IQCH: variants seen among roughly 807,000 people sequenced by gnomAD.
The protein encoded by IQCH is IQ motif containing H.
A neutral mutation model predicts 117.0 loss-of-function variants in IQCH; 98 were observed. That is an observed-to-expected ratio of 0.84 (90% CI 0.71 to 0.99). The LOEUF (loss-of-function observed/expected upper bound fraction) is 0.99, where lower values mean the gene tolerates loss of function less well. Ranked by LOEUF, IQCH falls within the 50% of genes least tolerant of loss-of-function variation. The pLI, the probability that IQCH is intolerant of heterozygous loss-of-function variation, is 0.00. For missense variants in IQCH, 1,102 were observed against 1,243.8 expected (o/e 0.89, Z 1.72); for synonymous variants, 412 against 448.2 (o/e 0.92, Z 1.02).
chr15:67,318,601 CT>C (rs766002292), intron 4 of IQCH, among the ~76,000 whole-genome samples: 1 of 151,892 alleles, frequency 6.6e-6, no homozygotes, highest in Non-Finnish European at 1.5e-5. Context: ...TTTTTTCCCC[CT>C]AAAGAAGATT....
chr15:67,469,127 C>CT (rs11407790), intron 17 of IQCH, among the ~76,000 whole-genome samples: 131,136 of 150,952 alleles, frequency 0.87, 57,022 homozygotes, highest in African/African-American at 0.91. Context: ...AATATTTTGT[C>CT]TTTTTTTTTC....
intron 4 of IQCH, among the ~76,000 whole-genome samples, chr15:67,308,384 T>C (rs1220812834): frequency 6.6e-6 from 1 of 152,164 alleles, no homozygotes; most frequent in African/African-American, 2.4e-5. Flanking sequence ...TGTTGATTTT[T>C]CAGGAAATGT....
intron 6 of IQCH, among the ~76,000 whole-genome samples, chr15:67,355,990 A>G (rs1228302493): frequency 2.0e-5 from 3 of 152,178 alleles, no homozygotes; most frequent in African/African-American, 4.8e-5. Flanking sequence ...CTCAGCTGCT[A>G]TTTTGTTTGA....
At chr15:67,259,373 C>T (rs1395489032) in intron 1 of IQCH, among the ~76,000 whole-genome samples, 1 of 152,144 alleles carries the variant, frequency 6.6e-6, no homozygotes, top group African/African-American at 2.4e-5. Flanking sequence ...TTTCATTCAA[C>T]AGTTTTAAGT....
At chr15:67,286,237 G>T (rs375342913) in intron 4 of IQCH, among the ~76,000 whole-genome samples, 7 of 151,982 alleles carry the variant, frequency 4.6e-5, no homozygotes, top group African/African-American at 1.7e-4. Context: ...CACATTGTTC[G>T]CTGTGGGCTT....
At chr15:67,321,995 T>G (rs1321114521) in intron 4 of IQCH, among the ~76,000 whole-genome samples, 1 of 152,238 alleles carries the variant, frequency 6.6e-6, no homozygotes, top group African/African-American at 2.4e-5. Context: ...CGGATGATGA[T>G]TTTCAGCACA....
At chr15:67,328,788 CA>C (rs905625567) in intron 4 of IQCH, among the ~76,000 whole-genome samples, 9 of 152,190 alleles carry the variant, frequency 5.9e-5, no homozygotes, top group East Asian at 3.9e-4. Flanking sequence ...AAGCCAGATA[CA>C]AAAGAATACA....
chr15:67,499,530 T>C (rs913003121), intron 20 of IQCH, among the ~76,000 whole-genome samples: 1 of 152,074 alleles, frequency 6.6e-6, no homozygotes, highest in Non-Finnish European at 1.5e-5. Context: ...ATCACAGATA[T>C]GTAAAGCTTA....
At chr15:67,477,933 T>A (rs2083245453) in intron 18 of IQCH, among the ~76,000 whole-genome samples, 1 of 152,206 alleles carries the variant, frequency 6.6e-6, no homozygotes, top group Non-Finnish European at 1.5e-5. Context: ...CCAAACTTTA[T>A]AAGTTATTTA....
intron 8 of IQCH, among the ~76,000 whole-genome samples, chr15:67,362,706 A>G (rs1316620130): frequency 1.3e-5 from 2 of 152,228 alleles, no homozygotes; most frequent in African/African-American, 2.4e-5. Flanking sequence ...CCATAGCCCC[A>G]GGGAAAGAAG....
chr15:67,284,740 A>G (rs1271092487), intron 4 of IQCH, among the ~76,000 whole-genome samples: 3 of 152,176 alleles, frequency 2.0e-5, no homozygotes, highest in Admixed American at 6.5e-5. Flanking sequence ...TAGCTTGCTA[A>G]GGATAATGGC....
chr15:67,455,633 G>A (rs2414947), intron 16 of IQCH, among the ~76,000 whole-genome samples: 106,273 of 152,042 alleles, frequency 0.7, 37,608 homozygotes, highest in Middle Eastern at 0.81. Flanking sequence ...GATGGTCATC[G>A]AAGGCTGTTC....
intron 16 of IQCH, among the ~76,000 whole-genome samples, chr15:67,461,837 G>T (rs559053383): frequency 6.6e-6 from 1 of 152,158 alleles, no homozygotes; most frequent in Non-Finnish European, 1.5e-5. Context: ...AGGTTGAATA[G>T]AACAATTACG....
intron 16 of IQCH, among the ~76,000 whole-genome samples, chr15:67,444,686 C>A (rs1399185195): frequency 6.6e-6 from 1 of 152,084 alleles, no homozygotes; most frequent in Non-Finnish European, 1.5e-5. Flanking sequence ...TGCCTTTATT[C>A]TTATAATTAG....
intron 18 of IQCH, among the ~76,000 whole-genome samples, chr15:67,486,834 G>C (rs1409393584): frequency 6.6e-6 from 1 of 152,188 alleles, no homozygotes; most frequent in Non-Finnish European, 1.5e-5. Context: ...GAAAATTATT[G>C]AGATAGTCCT....
rs1012131293 is a variant in IQCH, at chr15:67,433,963, CA to C, written c.2505+12393del. On this transcript the variant is annotated intron_variant, in intron 16 of 20. Coordinates refer to ENST00000335894, the MANE Select transcript of IQCH (RefSeq NM_001031715.3). The surrounding 1 kb of genome is among the most constrained non-coding windows in gnomAD (Gnocchi z 5.4). Reference sequence around the variant, plus strand: ...CAGCTTTATTGAGGTATAACTAACCCAAAAAAAGTATTTTTATTTAAGGTGT... The same window carrying C: ...CAGCTTTATTGAGGTATAACTAACCCAAAAAAGTATTTTTATTTAAGGTGT... Among the ~76,000 whole-genome samples, 4 of 151,814 alleles carry C rather than the reference CA, an allele frequency of 2.6e-5. No homozygotes were observed. The highest frequency in any genetic ancestry group is 9.7e-5 in the African/African-American group (4 of 41,318).
intron 5 of IQCH, among the ~76,000 whole-genome samples, chr15:67,337,751 A>C (rs1968960482): frequency 6.6e-6 from 1 of 152,166 alleles, no homozygotes; most frequent in African/African-American, 2.4e-5. Context: ...TAATTGACCA[A>C]AGTGTTAAAA....
In IQCH at chr15:67,359,983, G is replaced by A. The variant is rs1393057542; in HGVS notation, c.753+98G>A. On this transcript the variant is annotated intron_variant, in intron 8 of 20. Transcript: ENST00000335894. The surrounding 1 kb of genome is among the most constrained non-coding windows in gnomAD (Gnocchi z 4.5). ...GAGTATGGGTGACTGCTTGACAGCT[G>A]GAGATGGCAACAAAAGTTCGTGCTT... 1.8e-5 allele frequency: 15 copies of A among 849,734 alleles called. No individual in the cohort carries two copies. In the East Asian group the frequency reaches 4.0e-4, roughly 22 times the overall value. 52.6% of individuals were successfully genotyped at this position (849,734 alleles called of 1,614,324 possible).
intron 6 of IQCH, among the ~76,000 whole-genome samples, chr15:67,347,202 A>T (rs1157410561): frequency 6.6e-6 from 1 of 151,268 alleles, no homozygotes; most frequent in African/African-American, 2.4e-5. Context: ...AATGGAAAAT[A>T]GAAAAAAAAA....
Sources: gnomAD v4.1 joint callset for allele counts (sites outside exome capture counted in the v4.1 genomes callset) on GRCh38, gnomAD v4.1.1 for gene constraint, Gnocchi (gnomAD v3.1) non-coding constraint, MANE v1.5 for transcripts, NCBI Gene and HGNC (gene_info 2026-07-23, HGNC 2026-07-21) for gene names.